The following SMG1 variants were observed in gnomAD, a reference collection of about 807,000 sequenced individuals.
SMG1 encodes the protein SMG1 nonsense mediated mRNA decay associated PI3K related kinase.
SMG1 carries 22 observed loss-of-function variants against 419.9 expected under a neutral mutation model. That is an observed-to-expected ratio of 0.05 (90% CI 0.04 to 0.07). The LOEUF (loss-of-function observed/expected upper bound fraction) is 0.07, where lower values mean the gene tolerates loss of function less well. Among genes scored for constraint, SMG1 ranks in the 10% least tolerant of loss-of-function variants. SMG1 has a pLI of 1.00. For missense variants in SMG1, 3,185 were observed against 4,342.0 expected (o/e 0.73, Z 7.49); for synonymous variants, 1,538 against 1,553.5 (o/e 0.99, Z 0.23).
chr16:18,809,659 G>A lies in SMG1; in HGVS notation c.10909-13C>T. ...TGACATAGTCAACCTGTAAAAATAGGCAGGATAGTATGTAAAGTCATTTAA... is the reference window on the plus strand; with the variant it reads ...TGACATAGTCAACCTGTAAAAATAGACAGGATAGTATGTAAAGTCATTTAA... On this transcript the variant is annotated splice_polypyrimidine_tract_variant and intron_variant, in intron 62 of 62. Coordinates refer to ENST00000446231, the MANE Select transcript of SMG1 (RefSeq NM_015092.5). The A allele has an allele frequency of 6.3e-7, 1 of 1,577,312 alleles. No individual in the cohort carries two copies. The highest frequency in any genetic ancestry group is 8.7e-7 in the Non-Finnish European group (1 of 1,155,232).
In SMG1 at chr16:18,854,720, A is replaced by C. The variant is rs2034801948; in HGVS notation, c.4419T>G (p.Gly1473=). The change falls in exon 30 of 63, where the codon GGT becomes GGG. Residue 1473 remains glycine (G), a synonymous_variant. Coordinates refer to ENST00000446231, the MANE Select transcript of SMG1 (RefSeq NM_015092.5). ...CGGGCCCCCATTTTTCATCCACTTGACCTTGGGTTGATAGTTTTTTAAAAT... is the reference window on the plus strand; with the variant it reads ...CGGGCCCCCATTTTTCATCCACTTGCCCTTGGGTTGATAGTTTTTTAAAAT... The part of the protein sequence containing the change: ...VQHFKKLSTQ[G]QVDEKWGPEL... 1 of 1,613,908 alleles carries C rather than the reference A, an allele frequency of 6.2e-7. No individual in the cohort carries two copies. The highest frequency in any genetic ancestry group is 8.5e-7 in the Non-Finnish European group (1 of 1,179,860).
chr16:18,850,971 T>A (rs1449684148), intron 33 of SMG1, among the ~76,000 whole-genome samples: 1 of 152,186 alleles, frequency 6.6e-6, no homozygotes, highest in East Asian at 1.9e-4. Flanking sequence ...GCCAGGCTTG[T>A]CTCAAACTCC....
intron 6 of SMG1, among the ~76,000 whole-genome samples, chr16:18,888,266 C>G (rs2036725579): frequency 6.7e-6 from 1 of 148,962 alleles, no homozygotes; most frequent in African/African-American, 2.5e-5. Context: ...ACATAATTAT[C>G]TTATACCATT....
Position 18,816,535 on chromosome 16 carries a change from T to C in SMG1, c.10075-6A>G, listed in dbSNP as rs771212335. On this transcript the variant is annotated splice_polypyrimidine_tract_variant and splice_region_variant and intron_variant, in intron 57 of 62. Coordinates refer to ENST00000446231, the MANE Select transcript of SMG1 (RefSeq NM_015092.5). ...GGATGTTCAAGACCAGTGTCCTAAA[T>C]AGAACAAGCATTTGTTTGACTTCGA... 4 of 1,611,802 alleles carry C rather than the reference T, an allele frequency of 2.5e-6. No homozygotes were observed. The highest frequency in any genetic ancestry group is 2.7e-5 in the African/African-American group (2 of 75,006).
intron 51 of SMG1, 74 bp downstream of exon 51, chr16:18,832,865 TA>T: frequency 1.5e-6 from 2 of 1,301,982 alleles, no homozygotes; most frequent in Non-Finnish European, 2.2e-6. Context: ...AAACTTACGT[TA>T]AAGAGCTCAG....
chr16:18,889,188 G>A (rs2036774629), intron 6 of SMG1, among the ~76,000 whole-genome samples, 184 bp downstream of exon 6: 1 of 152,040 alleles, frequency 6.6e-6, no homozygotes, highest in Non-Finnish European at 1.5e-5. Context: ...TATGTATGTA[G>A]CACTGATCCT....
Position 18,849,395 on chromosome 16 carries a change from GAGAA to G in SMG1, c.5462-21_5462-18del. The G allele has an allele frequency of 6.2e-7, 1 of 1,600,524 alleles. No homozygotes were observed. The highest frequency in any genetic ancestry group is 8.5e-7 in the Non-Finnish European group (1 of 1,171,168). ...GAATAATTCCTTCAGGACAAGAAGAGAGAAAGACACTTTAAAGTTATTTAAAACT... is the reference window on the plus strand; with the variant it reads ...GAATAATTCCTTCAGGACAAGAAGAGAGACACTTTAAAGTTATTTAAAACT... On this transcript the variant is annotated intron_variant, in intron 35 of 62. Transcript: ENST00000446231.
At chr16:18,851,327 T>C (rs2034577742) in intron 33 of SMG1, among the ~76,000 whole-genome samples, 1 of 152,184 alleles carries the variant, frequency 6.6e-6, no homozygotes, top group African/African-American at 2.4e-5. Flanking sequence ...AGAGTGTGAA[T>C]TATACAGATC....
intron 4 of SMG1, among the ~76,000 whole-genome samples, chr16:18,891,696 A>T (rs1333996452): frequency 6.6e-6 from 1 of 152,204 alleles, no homozygotes; most frequent in Non-Finnish European, 1.5e-5. Context: ...GGCCTCCCAA[A>T]ATGCTGGGAT....
chr16:18,838,714 C>T (rs770397541), intron 42 of SMG1, 25 bp from the exon 43 acceptor site: 4 of 1,470,940 alleles, frequency 2.7e-6, no homozygotes, highest in Admixed American at 4.2e-5. Flanking sequence ...ATGGGGGCAG[C>T]AAGTGAAACA....
rs2036119880 is a variant in SMG1, at chr16:18,876,116, A to T, written c.1890+8T>A. 6.2e-7 allele frequency: 1 copy of T among 1,611,382 alleles called. No individual in the cohort carries two copies. ...GATAAAACAAAGTCATTACAATTAA[A>T]GACTCACCCCTATTAGTGAGTTTTT... On this transcript the variant is annotated splice_region_variant and intron_variant, in intron 13 of 62. Coordinates refer to ENST00000446231, the MANE Select transcript of SMG1 (RefSeq NM_015092.5).
chr16:18,849,359 G>A lies in SMG1; in HGVS notation c.5481C>T (p.Phe1827=), dbSNP rs752984012. ...APWRGIIPQL[F]SRLNHPEVYV... ...ACACTTCAGGGTGGTTTAAGCGTGA[G>A]AAAAGTTGCGGAATAATTCCTTCAG... The change falls in exon 36 of 63, where the codon TTC becomes TTT. Residue 1827 remains phenylalanine, a synonymous_variant. Coordinates refer to ENST00000446231, the MANE Select transcript of SMG1 (RefSeq NM_015092.5). 3 of 1,611,602 alleles carry A rather than the reference G, an allele frequency of 1.9e-6. No individual in the cohort carries two copies. Among genetic ancestry groups the A allele is most frequent in the Non-Finnish European group, 1.7e-6 (2 of 1,178,602 alleles).
intron 26 of SMG1, 44 bp from the exon 27 acceptor site, chr16:18,859,747 T>C: frequency 2.0e-6 from 3 of 1,496,080 alleles, no homozygotes; most frequent in Non-Finnish European, 2.7e-6. Flanking sequence ...TGTGCTTTTA[T>C]TATAAATTTT....
Position 18,809,601 on chromosome 16 carries a change from G to C in SMG1, c.10954C>G (p.Gln3652Glu), listed in dbSNP as rs766776098. The C allele has an allele frequency of 1.2e-6, 2 of 1,611,646 alleles. No homozygotes were observed. The highest frequency in any genetic ancestry group is 1.7e-6 in the Non-Finnish European group (2 of 1,178,912). Residue 3652 changes from glutamine to glutamate, a missense_variant, in exon 63 of 63, where the codon CAG becomes GAG. Gln to Glu is a conservative substitution (Grantham distance 29). Transcript: ENST00000446231. ...CAGGCTGTCCAACCTTCATACAGCT[G>C]AGCCAAGTTATCTAGATTAGTTGCT... ...KEATNLDNLA[Q>E]LYEGWTAWV
intron 51 of SMG1, among the ~76,000 whole-genome samples, chr16:18,831,631 C>T (rs1388333517): frequency 3.3e-5 from 5 of 151,406 alleles, no homozygotes; most frequent in South Asian, 2.1e-4. Flanking sequence ...GGGCATACGT[C>T]CATAGTCCCA....
chr16:18,814,133 A>T (rs928556775), intron 60 of SMG1, among the ~76,000 whole-genome samples: 17 of 149,622 alleles, frequency 1.1e-4, no homozygotes, highest in African/African-American at 2.2e-4. Flanking sequence ...AGTCATTTTT[A>T]AAAAGATTAT....
chr16:18,829,874 C>G lies in SMG1; in HGVS notation c.9133+52G>C, dbSNP rs777964206. On this transcript the variant is annotated intron_variant, in intron 53 of 62. Transcript: ENST00000446231. The stretch of plus-strand genomic sequence containing the variant: ...AATTAAGCCTACTCTATCCTGCCCC[C>G]TTCCATAGTGCTACATAGCTAAAGC... 9 of 1,458,928 alleles carry G rather than the reference C, an allele frequency of 6.2e-6. No individual in the cohort carries two copies. In the Admixed American group the frequency reaches 2.3e-4, roughly 37 times the overall value. 90.4% of individuals were successfully genotyped at this position (1,458,928 alleles called of 1,614,324 possible). A position where few individuals can be genotyped will look rare whatever the true frequency, so the allele number is the denominator to read the frequency against.
intron 23 of SMG1, 67 bp from the exon 24 acceptor site, chr16:18,864,211 T>G (rs1348535983): frequency 1.9e-5 from 24 of 1,285,478 alleles, no homozygotes; most frequent in South Asian, 6.6e-5. Context: ...TTTTTTTTTT[T>G]TGTGATGAAG....
At chr16:18,845,322 T>G in intron 39 of SMG1, 107 bp downstream of exon 39, 1 of 942,864 alleles carries the variant, frequency 1.1e-6, no homozygotes, top group Non-Finnish European at 1.6e-6. Context: ...TCCTATAGGC[T>G]TATAAAATCT....
Sources: gnomAD v4.1 joint callset for allele counts (sites outside exome capture counted in the v4.1 genomes callset) on GRCh38, gnomAD v4.1.1 for gene constraint, MANE v1.5 for transcripts, NCBI Gene and HGNC (gene_info 2026-07-23, HGNC 2026-07-21) for gene names.